Variants in AP1S3 observed in about 807,000 individuals in gnomAD.
AP1S3 encodes the protein adaptor related protein complex 1 subunit sigma 3, also known as AP-1 complex subunit sigma-3.
A neutral mutation model predicts 20.9 loss-of-function variants in AP1S3; 10 were observed. The observed-to-expected ratio is 0.48, with a 90% CI of 0.29 to 0.81. The LOEUF (loss-of-function observed/expected upper bound fraction) is 0.81. Among genes scored for constraint, AP1S3 ranks in the 30% least tolerant of loss-of-function variants. AP1S3 has a pLI of 0.08. For missense variants in AP1S3, 154 were observed against 183.8 expected (o/e 0.84, Z 0.94); for synonymous variants, 41 against 61.5 (o/e 0.67, Z 1.56).
intron 1 of AP1S3, among the ~76,000 whole-genome samples, chr2:223,824,242 A>G (rs2106128149): frequency 6.6e-6 from 1 of 152,168 alleles, no homozygotes; most frequent in Non-Finnish European, 1.5e-5. Context: ...GGCTCATGCA[A>G]TCAGCCTGCC....
chr2:223,795,751 A>G (rs770862863), intron 1 of AP1S3, among the ~76,000 whole-genome samples: 9 of 152,238 alleles, frequency 5.9e-5, no homozygotes, highest in Non-Finnish European at 1.0e-4. Context: ...CTCCTTATCA[A>G]CAAAATAGGA....
intron 1 of AP1S3, among the ~76,000 whole-genome samples, chr2:223,813,698 G>C (rs941863191): frequency 6.6e-6 from 1 of 152,174 alleles, no homozygotes; most frequent in South Asian, 2.1e-4. Context: ...TTTTCTAAAA[G>C]TTGAACACCA....
chr2:223,758,436 A>G lies in AP1S3; in HGVS notation c.*279T>C. The stretch of plus-strand genomic sequence containing the variant: ...TAAAAACATAACATGGAGTTAATAC[A>G]TTACAAATATTGTCTGTTGGGTTAG... On this transcript the variant is annotated 3_prime_UTR_variant, in exon 5 of 5. Coordinates refer to ENST00000396654, the MANE Select transcript of AP1S3 (RefSeq NM_001039569.2). 1 of 1,138,460 alleles carries G rather than the reference A, an allele frequency of 8.8e-7. No individual in the cohort carries two copies. The highest frequency in any genetic ancestry group is 1.1e-6 in the Non-Finnish European group (1 of 929,772). 70.5% of individuals were successfully genotyped at this position (1,138,460 alleles called of 1,614,324 possible). A position where few individuals can be genotyped will look rare whatever the true frequency, so the allele number is the denominator to read the frequency against.
intron 3 of AP1S3, 94 bp downstream of exon 3, chr2:223,775,807 G>A (rs1034234238): frequency 1.1e-6 from 1 of 897,388 alleles, no homozygotes; most frequent in South Asian, 1.6e-5. Flanking sequence ...TATTTTAGAT[G>A]TGACAGAGAG....
chr2:223,794,865 T>A (rs1240752496), intron 1 of AP1S3, among the ~76,000 whole-genome samples: 1 of 152,140 alleles, frequency 6.6e-6, no homozygotes, highest in East Asian at 1.9e-4. Flanking sequence ...GGAGGGACGT[T>A]CACTGTTTCT....
chr2:223,799,759 C>T (rs562541804), intron 1 of AP1S3, among the ~76,000 whole-genome samples: 1 of 152,252 alleles, frequency 6.6e-6, no homozygotes, highest in Admixed American at 6.5e-5. Context: ...TACAACACTT[C>T]TCATCCTAAA....
chr2:223,832,237 A>G (rs1226407952), intron 1 of AP1S3, among the ~76,000 whole-genome samples: 1 of 151,090 alleles, frequency 6.6e-6, no homozygotes, highest in Non-Finnish European at 1.5e-5. Context: ...AATTCACGGG[A>G]CCCAAAAGGG....
chr2:223,769,812 C>T (rs993669798), intron 3 of AP1S3, among the ~76,000 whole-genome samples: 1 of 132,662 alleles, frequency 7.5e-6, no homozygotes, highest in East Asian at 2.3e-4. Flanking sequence ...GGCGCGATCT[C>T]GGCTCACTGA....
chr2:223,792,700 A>G (rs1021842883), intron 1 of AP1S3, among the ~76,000 whole-genome samples: 3 of 152,238 alleles, frequency 2.0e-5, no homozygotes, highest in African/African-American at 7.2e-5. Flanking sequence ...AGCAATTGCA[A>G]TAAAAGCAAA....
intron 1 of AP1S3, among the ~76,000 whole-genome samples, chr2:223,803,737 G>A (rs746415923): frequency 2.0e-4 from 30 of 152,002 alleles, no homozygotes; most frequent in African/African-American, 3.4e-4. Flanking sequence ...AAAATTAGCC[G>A]GGAGTGGTGG....
chr2:223,775,785 A>T, intron 3 of AP1S3, 116 bp downstream of exon 3: 1 of 767,930 alleles, frequency 1.3e-6, no homozygotes, highest in Non-Finnish European at 2.2e-6. Context: ...TCTTCGGTTC[A>T]AGTTCAATTC....
At chr2:223,780,298 TATATATATATAGAGAGAGAGAGAGAGAG>T (rs1269436242) in intron 1 of AP1S3, among the ~76,000 whole-genome samples, 29 of 53,572 alleles carry the variant, frequency 5.4e-4, no homozygotes, top group African/African-American at 2.4e-3. Context: ...TATATATATA[TATATATATATAGAGAGAGAGAGAGAGAG>T]AGAGAGAGAG....
At chr2:223,780,136 T>C (rs1247850521) in intron 1 of AP1S3, among the ~76,000 whole-genome samples, 1 of 151,382 alleles carries the variant, frequency 6.6e-6, no homozygotes. Flanking sequence ...CACCACCCCC[T>C]GGCCCCAGCC....
At chr2:223,778,708 TTC>T (rs1307141713) in intron 1 of AP1S3, among the ~76,000 whole-genome samples, 8 of 151,174 alleles carry the variant, frequency 5.3e-5, no homozygotes, top group African/African-American at 1.5e-4. Flanking sequence ...CTTTTTTTTT[TTC>T]TTTTGAGACA....
chr2:223,758,076 A>G lies in AP1S3; in HGVS notation c.*639T>C, dbSNP rs1690265064. 2.0e-6 allele frequency: 2 copies of G among 984,198 alleles called. No homozygotes were observed. Among genetic ancestry groups the G allele is most frequent in the East Asian group, 1.1e-4 (1 of 8,806 alleles). 61.0% of individuals were successfully genotyped at this position (984,198 alleles called of 1,614,324 possible). A position where few individuals can be genotyped will look rare whatever the true frequency, so the allele number is the denominator to read the frequency against. On this transcript the variant is annotated 3_prime_UTR_variant, in exon 5 of 5. Coordinates refer to ENST00000396654, the MANE Select transcript of AP1S3 (RefSeq NM_001039569.2). ...AAATTAAAACCTCAGTCAAGATAGCAGCTTCTAAGGCATCAAAAACACTTA... is the reference window on the plus strand; with the variant it reads ...AAATTAAAACCTCAGTCAAGATAGCGGCTTCTAAGGCATCAAAAACACTTA...
chr2:223,757,657 A>C lies in AP1S3; in HGVS notation c.*1058T>G. On this transcript the variant is annotated 3_prime_UTR_variant, in exon 5 of 5. Transcript: ENST00000396654. ...GGTTATACAGAATTTTCATTCCAGG[A>C]AGCACAAATGTGATATACTTACAGT... is the stretch of plus-strand genomic sequence containing the variant. 1 of 985,436 alleles carries C rather than the reference A, an allele frequency of 1.0e-6. No homozygotes were observed. Among genetic ancestry groups the C allele is most frequent in the Non-Finnish European group, 1.2e-6 (1 of 829,934 alleles). 61.0% of individuals were successfully genotyped at this position (985,436 alleles called of 1,614,324 possible). A position where few individuals can be genotyped will look rare whatever the true frequency, so the allele number is the denominator to read the frequency against.
At position 223,822,127 on chromosome 2, in the gene AP1S3, C is replaced by T. The variant is rs565861693; in HGVS notation, c.3+15321G>A. ...ACTCCTGGCCAGGCACAGTGGTTCA[C>T]GCCTATAATCCCAGCACTTTGGGAG... is the stretch of plus-strand genomic sequence containing the variant. On this transcript the variant is annotated intron_variant, in intron 1 of 4. Coordinates refer to ENST00000396654, the MANE Select transcript of AP1S3 (RefSeq NM_001039569.2). Among the ~76,000 whole-genome samples the T allele has an allele frequency of 2.6e-5, 4 of 152,190 alleles. No individual in the cohort carries two copies. In the South Asian group the frequency reaches 8.3e-4, roughly 32 times the overall value.
intron 1 of AP1S3, among the ~76,000 whole-genome samples, chr2:223,782,201 T>C (rs563220268): frequency 2.2e-4 from 33 of 152,062 alleles, no homozygotes; most frequent in Admixed American, 4.6e-4. Context: ...TTAGTAGAGA[T>C]GGGGTTTCAC....
intron 1 of AP1S3, among the ~76,000 whole-genome samples, chr2:223,828,322 ACT>A (rs1226009614): frequency 5.1e-5 from 7 of 137,248 alleles, no homozygotes; most frequent in Non-Finnish European, 9.2e-5. Context: ...TTTGAGACAG[ACT>A]CTCACTCTGT....
Sources: allele counts gnomAD v4.1 joint callset (sites outside exome capture counted in the v4.1 genomes callset), GRCh38; gene constraint gnomAD v4.1.1; transcripts MANE v1.5; gene names NCBI Gene and HGNC (gene_info 2026-07-23, HGNC 2026-07-21).